The following XPA variants were observed in gnomAD, a reference collection of about 807,000 sequenced individuals.
XPA encodes XPA, DNA damage recognition and repair factor, also known as DNA repair protein complementing XP-A cells.
In XPA, 27 loss-of-function variants were observed where a neutral mutation model predicts 35.7. The ratio of observed to expected loss-of-function variants is 0.76; its 90% confidence interval spans 0.56 to 1.04. The LOEUF is 1.04. Ranked by LOEUF, XPA falls within the 50% of genes least tolerant of loss-of-function variation. The probability of loss-of-function intolerance (pLI) is 0.00; values close to 1 mark genes in which losing one functional copy is unlikely to be tolerated. For missense variants in XPA, 354 were observed against 342.7 expected (o/e 1.03, Z -0.26); for synonymous variants, 133 against 118.4 (o/e 1.12, Z -0.80).
At chr9:97,685,218 A>G (rs952477652) in intron 4 of XPA, among the ~76,000 whole-genome samples, 178 bp from the exon 5 acceptor site, 2 of 152,142 alleles carry the variant, frequency 1.3e-5, no homozygotes, top group Admixed American at 1.3e-4. Context: ...CTAATAAAAC[A>G]TCTATCTAAA....
chr9:97,679,261 AC>A (rs1180779586), intron 5 of XPA, among the ~76,000 whole-genome samples: 5 of 152,212 alleles, frequency 3.3e-5, no homozygotes, highest in African/African-American at 1.2e-4. Context: ...AAAAATAAAT[AC>A]TGTGTATGTA....
chr9:97,660,936 C>T, the XPA span: 1 of 1,605,470 alleles, frequency 6.2e-7, no homozygotes. Context: ...ACCCCCAATT[C>T]TGTGTTTAGA....
At chr9:97,665,797 T>C in the XPA span, among the ~76,000 whole-genome samples, 1 of 137,252 alleles carries the variant, frequency 7.3e-6, no homozygotes, top group South Asian at 2.7e-4. Context: ...ATAGAACTTT[T>C]AACTGCATGG....
the XPA span, among the ~76,000 whole-genome samples, chr9:97,660,166 A>G: frequency 1.3e-5 from 2 of 152,188 alleles, no homozygotes; most frequent in African/African-American, 4.8e-5. Context: ...TTTTTAGAGA[A>G]AAAGCTCACA....
intron 2 of XPA, among the ~76,000 whole-genome samples, chr9:97,691,965 T>A (rs996547778): frequency 3.3e-5 from 5 of 150,180 alleles, no homozygotes; most frequent in Non-Finnish European, 7.4e-5. Context: ...ATGCTCCAAC[T>A]CTCAGAACTG....
intron 5 of XPA, among the ~76,000 whole-genome samples, chr9:97,683,132 A>G (rs574920738): frequency 2.6e-5 from 4 of 152,322 alleles, no homozygotes; most frequent in South Asian, 4.1e-4. Context: ...CCACCTGGAA[A>G]TGGTTTAAGG....
At chr9:97,694,354 G>A (rs929569808) in intron 1 of XPA, among the ~76,000 whole-genome samples, 2 of 152,170 alleles carry the variant, frequency 1.3e-5, no homozygotes, top group Non-Finnish European at 2.9e-5. Flanking sequence ...GGAAAAGGGA[G>A]GTCTAACGTA....
the XPA span, among the ~76,000 whole-genome samples, chr9:97,657,933 T>A: frequency 0.012 from 1,642 of 140,828 alleles, 25 homozygotes; most frequent in African/African-American, 0.044. Flanking sequence ...TATATTTTTT[T>A]TTTTTTTTTT....
chr9:97,661,052 C>A, the XPA span: 5 of 1,612,446 alleles, frequency 3.1e-6, 1 homozygote, highest in Non-Finnish European at 8.5e-7. Flanking sequence ...CAAATCCTAA[C>A]CAGGATGATG....
At chr9:97,676,245 A>T (rs1195942869) in intron 5 of XPA, among the ~76,000 whole-genome samples, 1 of 152,232 alleles carries the variant, frequency 6.6e-6, no homozygotes, top group African/African-American at 2.4e-5. Flanking sequence ...TTTTGCAAGT[A>T]GGGAAACTGA....
intron 3 of XPA, among the ~76,000 whole-genome samples, chr9:97,689,309 T>C (rs934757760): frequency 3.3e-5 from 5 of 152,188 alleles, no homozygotes; most frequent in African/African-American, 9.6e-5. Flanking sequence ...GAAATTTCTA[T>C]GGCAGAACCA....
chr9:97,661,325 A>G, the XPA span, among the ~76,000 whole-genome samples: 8 of 152,168 alleles, frequency 5.3e-5, no homozygotes, highest in African/African-American at 1.9e-4. Flanking sequence ...AGGATTTTTA[A>G]CCCCTGCTTT....
chr9:97,680,564 T>C (rs1341759947), intron 5 of XPA, among the ~76,000 whole-genome samples: 4 of 152,210 alleles, frequency 2.6e-5, no homozygotes, highest in Non-Finnish European at 5.9e-5. Context: ...CTGAAGTGTT[T>C]ATAAGAATCA....
At chr9:97,690,490 C>T (rs370658341) in intron 2 of XPA, among the ~76,000 whole-genome samples, 44 of 152,312 alleles carry the variant, frequency 2.9e-4, no homozygotes, top group African/African-American at 1.0e-3. Context: ...TGGGTTCAAG[C>T]GATTCTCCTG....
intron 5 of XPA, 58 bp from the exon 6 acceptor site, chr9:97,675,645 A>C: frequency 6.2e-7 from 1 of 1,604,624 alleles, no homozygotes; most frequent in Non-Finnish European, 8.5e-7. Context: ...GAATCCAAAA[A>C]TCCAACTCCA....
chr9:97,660,399 C>T, the XPA span, among the ~76,000 whole-genome samples: 1 of 152,144 alleles, frequency 6.6e-6, no homozygotes, highest in Admixed American at 6.5e-5. Flanking sequence ...CAAGGAGTCC[C>T]ATCACGTGAG....
At position 97,675,025 on chromosome 9, in the gene XPA, C is replaced by T. The variant is rs530819946; in HGVS notation, c.*414G>A. The T allele has an allele frequency of 3.0e-5, 16 of 528,992 alleles. No individual in the cohort carries two copies. The East Asian group carries it at 3.2e-4, about 11-fold the overall frequency. The allele number at this position is 528,992 out of a possible 1,614,324, so 32.8% of individuals were successfully genotyped here. On this transcript the variant is annotated 3_prime_UTR_variant, in exon 6 of 6. Coordinates refer to ENST00000375128, the MANE Select transcript of XPA (RefSeq NM_000380.4). Reference sequence around the variant, plus strand: ...CGTCCTAAAAAACACATGACTAGAACCTGGGGTACAGTGGTGCACCACCAT... The same window carrying T: ...CGTCCTAAAAAACACATGACTAGAATCTGGGGTACAGTGGTGCACCACCAT...
At chr9:97,666,735 C>G in the XPA span, 12 of 1,423,696 alleles carry the variant, frequency 8.4e-6, no homozygotes, top group Non-Finnish European at 1.2e-5. Flanking sequence ...GCTTGACATA[C>G]AGTAACCAAA....
intron 1 of XPA, among the ~76,000 whole-genome samples, chr9:97,695,704 G>A (rs1829022475): frequency 6.6e-6 from 1 of 152,090 alleles, no homozygotes; most frequent in South Asian, 2.1e-4. Flanking sequence ...GTCTTTCATG[G>A]CATATGTCAT....
Sources: gnomAD v4.1 joint callset for allele counts (sites outside exome capture counted in the v4.1 genomes callset) on GRCh38, gnomAD v4.1.1 for gene constraint, MANE v1.5 for transcripts, NCBI Gene and HGNC (gene_info 2026-07-23, HGNC 2026-07-21) for gene names.